The following CELSR3 variants were observed in gnomAD, a reference collection of about 807,000 sequenced individuals.
CELSR3 encodes the protein cadherin EGF LAG seven-pass G-type receptor 3.
In CELSR3, 73 loss-of-function variants were observed where a neutral mutation model predicts 270.0. The observed-to-expected ratio is 0.27, with a 90% CI of 0.22 to 0.33. The LOEUF (loss-of-function observed/expected upper bound fraction) is 0.33, where lower values mean the gene tolerates loss of function less well. Ranked by LOEUF, CELSR3 falls within the 10% of genes least tolerant of loss-of-function variation. The pLI, the probability that CELSR3 is intolerant of heterozygous loss-of-function variation, is 1.00. For synonymous variants in CELSR3, 1,780 were observed against 1,905.4 expected (o/e 0.93, Z 1.71); for missense variants, 3,614 against 4,533.8 (o/e 0.80, Z 5.83).
At chr3:48,643,302 G>A (rs2047047062) in intron 28 of CELSR3, 1 of 631,054 alleles carries the variant, frequency 1.6e-6, no homozygotes, top group South Asian at 2.0e-5. Flanking sequence ...TCAGCAAGGG[G>A]TCGGGAGCCT....
rs773517437 is a variant in CELSR3 at position 48,644,987 on chromosome 3, A to C, written c.7972+48T>G. 2 of 1,554,870 alleles carry C rather than the reference A, an allele frequency of 1.3e-6. No individual in the cohort carries two copies. The highest frequency in any genetic ancestry group is 1.7e-6 in the Non-Finnish European group (2 of 1,143,170). On this transcript the variant is annotated intron_variant, in intron 25 of 34. Transcript: ENST00000164024. This position sits in a 1 kb window ranked among gnomAD's most constrained non-coding sequence, Gnocchi z 4.8. ...CATGAGCAGGAGTGGGGACAGGGTC[A>C]GGGGTCAGGCCATGTGATGGTTGGA...
chr3:48,649,165 G>A lies in CELSR3; in HGVS notation c.6523C>T (p.Leu2175Phe), dbSNP rs1422830268. 4 of 1,612,502 alleles carry A rather than the reference G, an allele frequency of 2.5e-6. No homozygotes were observed. The highest frequency in any genetic ancestry group is 8.5e-7 in the Non-Finnish European group (1 of 1,179,542). Residue 2175 changes from leucine (L) to phenylalanine (F), a missense_variant, in exon 17 of 35, where the codon CTC becomes TTC. Transcript: ENST00000164024. ...AAGGCAGGGGAGGTACAGTTGAAGA[G>A]GTCGGGCTCCAGCCAACCCTGGGCC... ...DEAQGWLEPD[L>F]FNCTSPAFRE...
In CELSR3 at chr3:48,639,799, T is replaced by C. The variant is rs770923405; in HGVS notation, c.9786A>G (p.Gln3262=). Reference sequence around the variant, plus strand: ...GAGGGCCCAAGGGTGTGCTTGAAGATTGCACAGAGGAGAGGGCCGAGGAGT... The same window carrying C: ...GAGGGCCCAAGGGTGTGCTTGAAGACTGCACAGAGGAGAGGGCCGAGGAGT... ...SFNSSALSSV[Q]SSSTPLGPHT... is the part of the protein sequence containing the mutation. The change falls in exon 34 of 35, where the codon CAA becomes CAG. Residue 3262 remains glutamine (Q), a synonymous_variant. Transcript: ENST00000164024. This position sits in a 1 kb window ranked among gnomAD's most constrained non-coding sequence, Gnocchi z 4.1. The C allele has an allele frequency of 3.7e-6, 6 of 1,613,276 alleles. No homozygotes were observed. The highest frequency in any genetic ancestry group is 1.1e-5 in the South Asian group (1 of 91,070).
In CELSR3 at chr3:48,661,772, G is replaced by C. The variant is rs766711595; in HGVS notation, c.863C>G (p.Pro288Arg). The C allele has an allele frequency of 1.3e-6, 2 of 1,599,886 alleles. No individual in the cohort carries two copies. Among genetic ancestry groups the C allele is most frequent in the South Asian group, 2.2e-5 (2 of 89,724 alleles). ...SRGLFRCRFL[P>R]QRPGPRPPGL... Reference sequence around the variant, plus strand: ...CGGGGGACGCGGCCCGGGGCGCTGCGGGAGGAAGCGGCAGCGGAAGAGACC... The same window carrying C: ...CGGGGGACGCGGCCCGGGGCGCTGCCGGAGGAAGCGGCAGCGGAAGAGACC... Residue 288 changes from proline (P) to arginine (R), a missense_variant, in exon 1 of 35, where the codon CCG (proline) becomes CGG (arginine). Physicochemically the swap from Pro to Arg is moderately radical, Grantham distance 103. Transcript: ENST00000164024.
Position 48,660,792 on chromosome 3 carries a change from C to T in CELSR3, c.1843G>A (p.Glu615Lys). ...TGCGCCCTGATGCGCAAGGCATACT[C>T]TCTCTCTGCCTCGAAGTCCAGAGGT... Reference protein sequence around the residue: ...VAPLDFEAEREYALRIRAQDA... With the variant: ...VAPLDFEAERKYALRIRAQDA... The change falls in exon 1 of 35, where the codon GAG becomes AAG. Residue 615 changes from glutamate (E) to lysine (K), a missense_variant. By Grantham distance (56) the Glu-to-Lys change is moderately conservative. Transcript: ENST00000164024. This position sits in a 1 kb window ranked among gnomAD's most constrained non-coding sequence, Gnocchi z 5.5. 1.2e-6 allele frequency: 2 copies of T among 1,614,154 alleles called. No individual in the cohort carries two copies. Among genetic ancestry groups the T allele is most frequent in the Non-Finnish European group, 1.7e-6 (2 of 1,180,044 alleles).
chr3:48,651,207 A>AGG lies in CELSR3; in HGVS notation c.6187-134_6187-133dup, dbSNP rs2047134207. 6.9e-7 allele frequency: 1 copy of AGG among 1,442,884 alleles called. No homozygotes were observed. Among genetic ancestry groups the AGG allele is most frequent in the African/African-American group, 1.4e-5 (1 of 71,254 alleles). The allele number at this position is 1,442,884 out of a possible 1,614,324, so 89.4% of individuals were successfully genotyped here. On this transcript the variant is annotated intron_variant, in intron 14 of 34. Coordinates refer to ENST00000164024, the MANE Select transcript of CELSR3 (RefSeq NM_001407.3). The surrounding 1 kb of genome is among the most constrained non-coding windows in gnomAD (Gnocchi z 7.4). Reference sequence around the variant, plus strand: ...CCTGGGTCATGCGTGAAGCCAAGGGAGGGGTCACGGGTAAAGGATGAGAGA... The same window carrying AGG: ...CCTGGGTCATGCGTGAAGCCAAGGGAGGGGGGTCACGGGTAAAGGATGAGAGA...
rs2077072062 is a variant in CELSR3, at chr3:48,662,127, G to A, written c.508C>T (p.Pro170Ser). Reference sequence around the variant, plus strand: ...CGAATCAAAAAGTCTGAAGGGAGGGGCGAGCTGTTCCCCGAGCCCGGGACC... The same window carrying A: ...CGAATCAAAAAGTCTGAAGGGAGGGACGAGCTGTTCCCCGAGCCCGGGACC... ...SGVPGSGNSS[P>S]LPSDFLIRHH... The change falls in exon 1 of 35, where the codon CCC becomes TCC. Residue 170 changes from proline to serine, a missense_variant. Physicochemically the swap from Pro to Ser is moderately conservative, Grantham distance 74. This residue lies in a region of CELSR3 where 470 missense variants were observed against 469.7 expected (regional missense o/e 1.00). Transcript: ENST00000164024. The surrounding 1 kb of genome is among the most constrained non-coding windows in gnomAD (Gnocchi z 7.1). 2.5e-6 allele frequency: 4 copies of A among 1,613,394 alleles called. No individual in the cohort carries two copies. The highest frequency in any genetic ancestry group is 3.3e-4 in the Middle Eastern group (2 of 6,058).
rs1231776918 is a variant in CELSR3 at position 48,660,393 on chromosome 3, C to T, written c.2242G>A (p.Asp748Asn). ...ASASVTVTVL[D>N]VNDNRPEFTM... ...AACTCAGGCCGATTGTCATTAACGT[C>T]CAGCACAGTCACGGTGACACTGGCT... The change falls in exon 1 of 35, where the codon GAC becomes AAC. Residue 748 changes from aspartate to asparagine, a missense_variant. By Grantham distance (23) the Asp-to-Asn change is conservative. Transcript: ENST00000164024. The surrounding 1 kb of genome is among the most constrained non-coding windows in gnomAD (Gnocchi z 5.5). 3 of 1,614,150 alleles carry T rather than the reference C, an allele frequency of 1.9e-6. No individual in the cohort carries two copies. Among genetic ancestry groups the T allele is most frequent in the Non-Finnish European group, 2.5e-6 (3 of 1,180,044 alleles).
chr3:48,644,358 A>G lies in CELSR3; in HGVS notation c.8086-63T>C. The G allele has an allele frequency of 7.2e-7, 1 of 1,389,274 alleles. No homozygotes were observed. The highest frequency in any genetic ancestry group is 1.0e-6 in the Non-Finnish European group (1 of 979,142). 86.1% of individuals were successfully genotyped at this position (1,389,274 alleles called of 1,614,324 possible). On this transcript the variant is annotated intron_variant, in intron 26 of 34. Coordinates refer to ENST00000164024, the MANE Select transcript of CELSR3 (RefSeq NM_001407.3). The surrounding 1 kb of genome is among the most constrained non-coding windows in gnomAD (Gnocchi z 4.8). ...AGAGAGAGAGAGAGAGAGAGAGGCA[A>G]TGAGAGACAGAGAGAGACTAAGATT...
intron 20 of CELSR3, 61 bp downstream of exon 20, chr3:48,647,780 G>C: frequency 1.9e-6 from 3 of 1,550,192 alleles, no homozygotes; most frequent in Non-Finnish European, 1.8e-6. Flanking sequence ...GGGCAACATA[G>C]TATCTGGTTG....
chr3:48,662,042 CTT>C lies in CELSR3; in HGVS notation c.591_592del (p.Arg198SerfsTer105). ...CCCACAGCAGCGCGCGGTGCCCACT[CTT>C]TTGCGGGAGCCTGTCCCAGCGTTCC... On this transcript the variant is annotated frameshift_variant, in exon 1 of 35. Transcript: ENST00000164024. LOFTEE classifies it high-confidence loss of function. The surrounding 1 kb of genome is among the most constrained non-coding windows in gnomAD (Gnocchi z 7.1). 1.2e-6 allele frequency: 2 copies of C among 1,614,134 alleles called. No individual in the cohort carries two copies. Among genetic ancestry groups the C allele is most frequent in the Non-Finnish European group, 1.7e-6 (2 of 1,180,046 alleles).
chr3:48,646,668 C>T lies in CELSR3; in HGVS notation c.7295+95G>A. 2.3e-6 allele frequency: 3 copies of T among 1,279,484 alleles called. No individual in the cohort carries two copies. The highest frequency in any genetic ancestry group is 3.3e-6 in the Non-Finnish European group (3 of 919,782). The allele number at this position is 1,279,484 out of a possible 1,614,324, so 79.3% of individuals were successfully genotyped here. On this transcript the variant is annotated intron_variant, in intron 21 of 34. Coordinates refer to ENST00000164024, the MANE Select transcript of CELSR3 (RefSeq NM_001407.3). This position sits in a 1 kb window ranked among gnomAD's most constrained non-coding sequence, Gnocchi z 4.8. ...TGGGGCTCCCTGGAGCTGTGCTCCTCTCTGTGTGTTGTGAACCTACGCATC... is the reference window on the plus strand; with the variant it reads ...TGGGGCTCCCTGGAGCTGTGCTCCTTTCTGTGTGTTGTGAACCTACGCATC...
Position 48,660,133 on chromosome 3 carries a change from A to C in CELSR3, c.2502T>G (p.Ser834=). Residue 834 remains serine, a synonymous_variant, in exon 1 of 35, where the codon TCT becomes TCG. Transcript: ENST00000164024. The surrounding 1 kb of genome is among the most constrained non-coding windows in gnomAD (Gnocchi z 5.5). ...ERYFKLVLTA[S]DRALHDHCYV... is the part of the protein sequence containing the mutation. The stretch of plus-strand genomic sequence containing the variant: ...AGCAGTGATCATGAAGGGCACGGTC[A>C]GATGCAGTTAGTACCAGCTTGAAGT... 1 of 1,614,190 alleles carries C rather than the reference A, an allele frequency of 6.2e-7. No homozygotes were observed. The highest frequency in any genetic ancestry group is 8.5e-7 in the Non-Finnish European group (1 of 1,180,042).
At chr3:48,649,350 T>C in intron 16 of CELSR3, 135 bp from the exon 17 acceptor site, 1 of 750,434 alleles carries the variant, frequency 1.3e-6, no homozygotes, top group Non-Finnish European at 2.2e-6. Context: ...GCTGCACCCC[T>C]GGAGGTAGCG....
chr3:48,644,684 TAC>T lies in CELSR3; in HGVS notation c.8085+30_8085+31del. The stretch of plus-strand genomic sequence containing the variant: ...CTCCTCCCCCAATGAGGGAGGGAAG[TAC>T]AGAGGGGGCACCAAGTCCAGGGCAC... On this transcript the variant is annotated intron_variant, in intron 26 of 34. Transcript: ENST00000164024. The surrounding 1 kb of genome is among the most constrained non-coding windows in gnomAD (Gnocchi z 4.8). 1 of 1,553,904 alleles carries T rather than the reference TAC, an allele frequency of 6.4e-7. No homozygotes were observed. Among genetic ancestry groups the T allele is most frequent in the Non-Finnish European group, 8.9e-7 (1 of 1,126,992 alleles).
chr3:48,645,358 T>G lies in CELSR3; in HGVS notation c.7797+85A>C. The stretch of plus-strand genomic sequence containing the variant: ...ACCCTGGCCCCAACCTGAGCATCCC[T>G]GACCTCTGACCCTGAGTTTTGGCCC... On this transcript the variant is annotated intron_variant, in intron 24 of 34. Transcript: ENST00000164024. The surrounding 1 kb of genome is among the most constrained non-coding windows in gnomAD (Gnocchi z 5.4). 1 of 1,582,152 alleles carries G rather than the reference T, an allele frequency of 6.3e-7. No individual in the cohort carries two copies. The highest frequency in any genetic ancestry group is 2.2e-5 in the East Asian group (1 of 44,504).
chr3:48,649,150 A>C lies in CELSR3; in HGVS notation c.6538T>G (p.Ser2180Ala). Reference protein sequence around the residue: ...WLEPDLFNCTSPAFRELSLLL... With the variant: ...WLEPDLFNCTAPAFRELSLLL... ...AGACTGAGCTCTCGAAAGGCAGGGG[A>C]GGTACAGTTGAAGAGGTCGGGCTCC... The change falls in exon 17 of 35, where the codon TCC (serine) becomes GCC (alanine). Residue 2180 changes from serine (S) to alanine (A), a missense_variant. Transcript: ENST00000164024. The C allele has an allele frequency of 1.2e-6, 2 of 1,612,650 alleles. No homozygotes were observed. Among genetic ancestry groups the C allele is most frequent in the Non-Finnish European group, 1.7e-6 (2 of 1,179,592 alleles).
At position 48,656,008 on chromosome 3, in the gene CELSR3, G is replaced by A. The variant is rs573090391; in HGVS notation, c.4625+132C>T. 322 of 1,173,900 alleles carry A rather than the reference G, an allele frequency of 2.7e-4. No homozygotes were observed. In the African/African-American group the frequency reaches 4.2e-3, roughly 15 times the overall value. 72.7% of individuals were successfully genotyped at this position (1,173,900 alleles called of 1,614,324 possible). ...GGGGACGCGGGTGCAGCGAGGTCAG[G>A]AGACCCCGGGCGGGGCGTCAGGGGA... On this transcript the variant is annotated intron_variant, in intron 3 of 34. Transcript: ENST00000164024.
Position 48,657,178 on chromosome 3 carries a change from C to A in CELSR3, c.3919G>T (p.Ala1307Ser). 3 of 1,613,952 alleles carry A rather than the reference C, an allele frequency of 1.9e-6. No homozygotes were observed. In the South Asian group the frequency reaches 3.3e-5, roughly 18 times the overall value. The part of the protein sequence containing the change: ...EGVAAVLATP[A>S]EDVFIFNIQN... ...ATGTTGAAGATGAAGACGTCCTCAG[C>A]GGGCGTAGCGAGCACCGCAGCCACG... The change falls in exon 2 of 35, where the codon GCT becomes TCT. Residue 1307 changes from alanine to serine, a missense_variant. By Grantham distance (99) the Ala-to-Ser change is moderately conservative. Coordinates refer to ENST00000164024, the MANE Select transcript of CELSR3 (RefSeq NM_001407.3). This position sits in a 1 kb window ranked among gnomAD's most constrained non-coding sequence, Gnocchi z 5.4.
Sources: allele counts gnomAD v4.1 joint callset, GRCh38; gene constraint gnomAD v4.1.1; regional missense constraint gnomAD v4.1.1; non-coding constraint Gnocchi (gnomAD v3.1); transcripts MANE v1.5; gene names NCBI Gene and HGNC (gene_info 2026-07-23, HGNC 2026-07-21).